The following SEPTIN3 variants were observed in gnomAD, a reference collection of about 807,000 sequenced individuals.
SEPTIN3 encodes septin 3, also known as neuronal-specific septin-3.
Under a neutral mutation model 45.1 loss-of-function variants are expected in SEPTIN3, and 15 were observed. The ratio of observed to expected loss-of-function variants is 0.33; its 90% CI spans 0.22 to 0.51. The LOEUF is 0.51. SEPTIN3 is among the 20% of genes least tolerant of loss of function. The pLI, the probability that SEPTIN3 is intolerant of heterozygous loss-of-function variation, is 0.97. For missense variants in SEPTIN3, 289 were observed against 457.2 expected, an observed-to-expected ratio of 0.63 and a Z score of 3.35; for synonymous variants, 148 against 164.8, an observed-to-expected ratio of 0.90 and a Z score of 0.78.
At chr22:41,980,149 T>C (rs1341377787) in intron 2 of SEPTIN3, among the ~76,000 whole-genome samples, 1 of 147,008 alleles carries the variant, frequency 6.8e-6, no homozygotes, top group Non-Finnish European at 1.5e-5. Context: ...TTTTTTTTTT[T>C]TTTTTTGGAG....
intron 2 of SEPTIN3, among the ~76,000 whole-genome samples, chr22:41,973,503 CAAAA>C (rs144943770): frequency 0.01 from 1,227 of 121,658 alleles, 9 homozygotes; most frequent in African/African-American, 0.033. Context: ...ACTAAAAGTA[CAAAA>C]AAAAAAAAAA....
At chr22:41,977,025 C>G in intron 2 of SEPTIN3, 7 of 1,587,278 alleles carry the variant, frequency 4.4e-6, no homozygotes, top group Non-Finnish European at 6.0e-6. Context: ...GCCCCGCGCC[C>G]GGAGCATCTC....
At position 41,971,536 on chromosome 22, in the gene SEPTIN3, A is replaced by G; in HGVS notation, c.44A>G (p.His15Arg). Residue 15 changes from histidine (H) to arginine (R), a missense_variant, in exon 2 of 12, where the codon CAT becomes CGT. Around this residue, in one of 3 missense-constraint regions of SEPTIN3, gnomAD observed 200 missense variants for 315.1 expected, o/e 0.63. Coordinates refer to ENST00000644076, the MANE Select transcript of SEPTIN3 (RefSeq NM_001363845.2). ...CCTGCTCCTCCAGAGATGCAGTCGC[A>G]TGGAGCTCCAGGCCCGGGAACCTCC... is the stretch of plus-strand genomic sequence containing the variant. ...FAPAPPEMQSHGAPGPGTSFS... is the reference protein window; with the variant it reads ...FAPAPPEMQSRGAPGPGTSFS... 1 of 399,096 alleles carries G rather than the reference A, an allele frequency of 2.5e-6. No homozygotes were observed. The highest frequency in any genetic ancestry group is 4.4e-6 in the Non-Finnish European group (1 of 226,168). 24.7% of individuals were successfully genotyped at this position (399,096 alleles called of 1,614,324 possible).
At chr22:41,992,249 C>T (rs963526688) in intron 8 of SEPTIN3, among the ~76,000 whole-genome samples, 18 of 152,040 alleles carry the variant, frequency 1.2e-4, no homozygotes, top group African/African-American at 4.3e-4. Flanking sequence ...CATGGTGGCG[C>T]ATGCCTGTAA....
chr22:41,990,424 A>C (rs2078287990), intron 7 of SEPTIN3, among the ~76,000 whole-genome samples: 1 of 151,758 alleles, frequency 6.6e-6, no homozygotes, highest in Non-Finnish European at 1.5e-5. Context: ...ATTTGAGAGA[A>C]ATGAAAAGAC....
chr22:41,974,611 C>T (rs1332423459), intron 2 of SEPTIN3, among the ~76,000 whole-genome samples: 2 of 147,322 alleles, frequency 1.4e-5, no homozygotes, highest in Non-Finnish European at 3.0e-5. Context: ...TGCAGTGAGC[C>T]GAGATTGCGC....
At chr22:41,990,273 C>T (rs2078284871) in intron 7 of SEPTIN3, among the ~76,000 whole-genome samples, 1 of 151,468 alleles carries the variant, frequency 6.6e-6, no homozygotes, top group Admixed American at 6.6e-5. Context: ...CTCGGCTAGT[C>T]TTGATCTCCT....
At chr22:41,988,802 G>C (rs548648791) in intron 6 of SEPTIN3, among the ~76,000 whole-genome samples, 2 of 152,212 alleles carry the variant, frequency 1.3e-5, no homozygotes, top group East Asian at 3.9e-4. Flanking sequence ...GCTAGGAGGA[G>C]ACCTGTCAAG....
intron 3 of SEPTIN3, among the ~76,000 whole-genome samples, chr22:41,984,163 A>G (rs1049725526): frequency 1.5e-4 from 23 of 152,152 alleles, no homozygotes; most frequent in African/African-American, 4.8e-4. Flanking sequence ...CTTATTTACC[A>G]TCCCTGGTCT....
chr22:41,994,774 C>T lies in SEPTIN3; in HGVS notation c.2505+60C>T. 6.2e-7 allele frequency: 1 copy of T among 1,613,718 alleles called. No individual in the cohort carries two copies. The highest frequency in any genetic ancestry group is 8.5e-7 in the Non-Finnish European group (1 of 1,179,984). ...ACCCATGACGACCACTTCTCTGTGT[C>T]ATCACACATACCCACTTCACACACA... On this transcript the variant is annotated intron_variant, in intron 11 of 11. Coordinates refer to ENST00000644076, the MANE Select transcript of SEPTIN3 (RefSeq NM_001363845.2). The surrounding 1 kb of genome is among the most constrained non-coding windows in gnomAD (Gnocchi z 4.2).
chr22:41,982,131 G>T, intron 3 of SEPTIN3: 1 of 396,876 alleles, frequency 2.5e-6, no homozygotes, highest in Non-Finnish European at 4.6e-6. Context: ...GAGAGAATCA[G>T]CAATGTTCTT....
chr22:41,970,434 G>A (rs2077946975), intron 1 of SEPTIN3, among the ~76,000 whole-genome samples: 1 of 152,148 alleles, frequency 6.6e-6, no homozygotes, highest in Non-Finnish European at 1.5e-5. Flanking sequence ...GGAGCAGAGA[G>A]TTTCAACTAT....
rs1346050023 is a variant in SEPTIN3 at position 41,994,565 on chromosome 22, G to A, written c.2412-56G>A. ...GTCCCTCGAAGTGATGTGTGTCACC[G>A]CCTCCTCTTCCTGCCCCTAATTGCA... On this transcript the variant is annotated intron_variant, in intron 10 of 11. Transcript: ENST00000644076. This position sits in a 1 kb window ranked among gnomAD's most constrained non-coding sequence, Gnocchi z 4.2. 9 of 1,610,196 alleles carry A rather than the reference G, an allele frequency of 5.6e-6. No homozygotes were observed. Among genetic ancestry groups the A allele is most frequent in the East Asian group, 2.2e-5 (1 of 44,862 alleles).
At chr22:41,985,028 A>G (rs1036953529) in intron 3 of SEPTIN3, among the ~76,000 whole-genome samples, 2 of 149,484 alleles carry the variant, frequency 1.3e-5, no homozygotes, top group Non-Finnish European at 3.0e-5. Flanking sequence ...AATTTTTTGT[A>G]TTTTTTTTAG....
At chr22:41,992,530 G>C in intron 8 of SEPTIN3, 134 bp from the exon 9 acceptor site, 1 of 603,448 alleles carries the variant, frequency 1.7e-6, no homozygotes, top group Non-Finnish European at 3.0e-6. Context: ...CTTGCCATCA[G>C]TAGTATCTCT....
rs547242540 is a variant in SEPTIN3 at position 41,976,973 on chromosome 22, G to T, written c.1504+3977G>T. 5 of 1,374,992 alleles carry T rather than the reference G, an allele frequency of 3.6e-6. No individual in the cohort carries two copies. In the South Asian group the frequency reaches 4.0e-5, roughly 11 times the overall value. The allele number at this position is 1,374,992 out of a possible 1,614,324, so 85.2% of individuals were successfully genotyped here. A position where few individuals can be genotyped will look rare whatever the true frequency, so the allele number is the denominator to read the frequency against. On this transcript the variant is annotated intron_variant, in intron 2 of 11. Transcript: ENST00000644076. The surrounding 1 kb of genome is among the most constrained non-coding windows in gnomAD (Gnocchi z 5.8). ...GAAGGGGCGAGGCCCGTTTGCAGGG[G>T]CCGCTCGGCCCGGGGAAGCCCGCGC...
chr22:41,994,142 G>A lies in SEPTIN3; in HGVS notation c.2360-148G>A, dbSNP rs1362556462. On this transcript the variant is annotated intron_variant, in intron 9 of 11. Coordinates refer to ENST00000644076, the MANE Select transcript of SEPTIN3 (RefSeq NM_001363845.2). This position sits in a 1 kb window ranked among gnomAD's most constrained non-coding sequence, Gnocchi z 4.2. The stretch of plus-strand genomic sequence containing the variant: ...TGAATCAAATCCAGTACACCCAAGT[G>A]AGCAAATCTCTGGAAGGGTTACAAA... The A allele has an allele frequency of 6.0e-6, 4 of 666,156 alleles. No homozygotes were observed. Among genetic ancestry groups the A allele is most frequent in the Non-Finnish European group, 1.1e-5 (4 of 379,514 alleles). 41.3% of individuals were successfully genotyped at this position (666,156 alleles called of 1,614,324 possible). A position where few individuals can be genotyped will look rare whatever the true frequency, so the allele number is the denominator to read the frequency against.
chr22:41,983,677 A>C lies in SEPTIN3; in HGVS notation c.1696+1841A>C, dbSNP rs149420838. On this transcript the variant is annotated intron_variant, in intron 3 of 11. Transcript: ENST00000644076. ...CTGCTGTTCCCTCTGGCTAGAACTC[A>C]TGACTCTTTTGAAATCAACCTTCCG... 9.5e-4 allele frequency among the ~76,000 whole-genome samples: 145 copies of C among 152,292 alleles called. No homozygotes were observed. In the Middle Eastern group the frequency reaches 0.027, roughly 29 times the overall value.
intron 7 of SEPTIN3, 74 bp downstream of exon 7, chr22:41,989,758 AG>A: frequency 1.0e-6 from 1 of 970,018 alleles, no homozygotes; most frequent in Non-Finnish European, 1.7e-6. Context: ...GCCATCTCCT[AG>A]CCCTCATCAT....
Sources: allele counts gnomAD v4.1 joint callset (sites outside exome capture counted in the v4.1 genomes callset), GRCh38; gene constraint gnomAD v4.1.1; regional missense constraint gnomAD v4.1.1; non-coding constraint Gnocchi (gnomAD v3.1); transcripts MANE v1.5; gene names NCBI Gene and HGNC (gene_info 2026-07-23, HGNC 2026-07-21).